The following KCNH7 variants were observed in gnomAD, a reference collection of about 807,000 sequenced individuals.
The protein encoded by KCNH7 is voltage-gated inwardly rectifying potassium channel KCNH7.
Under a neutral mutation model 120.8 loss-of-function variants are expected in KCNH7, and 49 were observed. The ratio of observed to expected loss-of-function variants is 0.41; its 90% CI spans 0.32 to 0.51. KCNH7 has a LOEUF of 0.51. Ranked by LOEUF, KCNH7 falls within the 20% of genes least tolerant of loss-of-function variation. The probability of loss-of-function intolerance (pLI) is 0.38; values close to 1 mark genes in which losing one functional copy is unlikely to be tolerated. For missense variants in KCNH7, 1,097 were observed against 1,446.6 expected, an observed-to-expected ratio of 0.76 and a Z score of 3.92; for synonymous variants, 547 against 516.1, an observed-to-expected ratio of 1.06 and a Z score of -0.81.
chr2:162,553,223 T>G (rs937407902), intron 2 of KCNH7, among the ~76,000 whole-genome samples: 1 of 151,682 alleles, frequency 6.6e-6, no homozygotes, highest in African/African-American at 2.4e-5. Flanking sequence ...GATGTTTCAG[T>G]AGAGGCACTA....
At chr2:162,529,754 T>C (rs991882965) in intron 3 of KCNH7, among the ~76,000 whole-genome samples, 1 of 151,904 alleles carries the variant, frequency 6.6e-6, no homozygotes, top group Non-Finnish European at 1.5e-5. Flanking sequence ...CTCCTTTAAA[T>C]GTGGCCCCTT....
chr2:162,701,114 T>G (rs1177356522), intron 2 of KCNH7, among the ~76,000 whole-genome samples: 1 of 152,112 alleles, frequency 6.6e-6, no homozygotes. Flanking sequence ...GAATTGTTAC[T>G]AAGGACACTG....
At chr2:162,438,602 G>A (rs1339467345) in intron 7 of KCNH7, among the ~76,000 whole-genome samples, 1 of 152,118 alleles carries the variant, frequency 6.6e-6, no homozygotes, top group Non-Finnish European at 1.5e-5. Context: ...TTATAAGGAT[G>A]AGTGAATATT....
chr2:162,606,282 G>T (rs1260053114), intron 2 of KCNH7, among the ~76,000 whole-genome samples: 1 of 152,146 alleles, frequency 6.6e-6, no homozygotes, highest in East Asian at 1.9e-4. Flanking sequence ...GTATAAGTAA[G>T]TGAAAGAAAA....
intron 9 of KCNH7, among the ~76,000 whole-genome samples, chr2:162,405,938 T>A (rs922439494): frequency 6.6e-5 from 10 of 151,990 alleles, no homozygotes; most frequent in African/African-American, 2.4e-4. Context: ...ATTTTTCCTA[T>A]TTTTATATGT....
intron 2 of KCNH7, among the ~76,000 whole-genome samples, chr2:162,753,548 G>C (rs1336314183): frequency 1.3e-5 from 2 of 152,056 alleles, no homozygotes; most frequent in African/African-American, 4.8e-5. Context: ...TGGTGCTAAA[G>C]TGAATCCAAC....
At chr2:162,421,380 A>G (rs1364262295) in intron 9 of KCNH7, among the ~76,000 whole-genome samples, 1 of 152,202 alleles carries the variant, frequency 6.6e-6, no homozygotes, top group Non-Finnish European at 1.5e-5. Flanking sequence ...GGGGACTGGG[A>G]AATTGTATAT....
intron 2 of KCNH7, among the ~76,000 whole-genome samples, chr2:162,730,903 C>T (rs776557382): frequency 6.6e-6 from 1 of 151,874 alleles, no homozygotes; most frequent in African/African-American, 2.4e-5. Flanking sequence ...GGCAGGCAGG[C>T]AAGCTAAACT....
rs1685742702 is a variant in KCNH7, at chr2:162,838,575, C to T, written c.-57G>A. The T allele has an allele frequency of 7.0e-7, 1 of 1,426,044 alleles. No homozygotes were observed. The highest frequency in any genetic ancestry group is 9.8e-7 in the Non-Finnish European group (1 of 1,024,194). 88.3% of individuals were successfully genotyped at this position (1,426,044 alleles called of 1,614,324 possible). A position where few individuals can be genotyped will look rare whatever the true frequency, so the allele number is the denominator to read the frequency against. Reference sequence around the variant, plus strand: ...CGGAGCTCTGGAGTTCTCCCGGGATCTCTCCTCGGCTAGAGCCCAGGCCAG... The same window carrying T: ...CGGAGCTCTGGAGTTCTCCCGGGATTTCTCCTCGGCTAGAGCCCAGGCCAG... On this transcript the variant is annotated 5_prime_UTR_variant, in exon 1 of 16. Coordinates refer to ENST00000332142, the MANE Select transcript of KCNH7 (RefSeq NM_033272.4).
At chr2:162,620,900 C>T (rs922658083) in intron 2 of KCNH7, among the ~76,000 whole-genome samples, 3 of 152,118 alleles carry the variant, frequency 2.0e-5, no homozygotes, top group Non-Finnish European at 4.4e-5. Context: ...ATTATCCGAA[C>T]TGGGACACAT....
chr2:162,591,325 C>T (rs757131879), intron 2 of KCNH7, among the ~76,000 whole-genome samples: 1 of 151,764 alleles, frequency 6.6e-6, no homozygotes, highest in Non-Finnish European at 1.5e-5. Context: ...CATTTTTCTC[C>T]TCAGCGCTTA....
intron 2 of KCNH7, among the ~76,000 whole-genome samples, chr2:162,556,376 C>G (rs2105868610): frequency 6.6e-6 from 1 of 152,216 alleles, no homozygotes; most frequent in South Asian, 2.1e-4. Flanking sequence ...GATGAAATAA[C>G]TTGCCAGTGA....
intron 1 of KCNH7, 77 bp downstream of exon 1, chr2:162,838,366 C>G: frequency 8.0e-7 from 1 of 1,256,038 alleles, no homozygotes; most frequent in Non-Finnish European, 1.2e-6. Flanking sequence ...CCGGTCTCCC[C>G]ACCTTGGAAG....
chr2:162,652,811 T>A (rs1201688998), intron 2 of KCNH7, among the ~76,000 whole-genome samples: 1 of 152,202 alleles, frequency 6.6e-6, no homozygotes, highest in Non-Finnish European at 1.5e-5. Flanking sequence ...TAACAAATAT[T>A]TATAAAAAGC....
At chr2:162,752,900 C>CAGAAAAAAGAAA (rs1559115994) in intron 2 of KCNH7, among the ~76,000 whole-genome samples, 1 of 6,826 alleles carries the variant, frequency 1.5e-4, no homozygotes, top group Non-Finnish European at 2.2e-3. Context: ...GACTACATCT[C>CAGAAAAAAGAAA]AGAAAAAGAA....
At chr2:162,641,016 A>T (rs187837812) in intron 2 of KCNH7, among the ~76,000 whole-genome samples, 1 of 152,152 alleles carries the variant, frequency 6.6e-6, no homozygotes, top group Non-Finnish European at 1.5e-5. Context: ...AAACTAAAAA[A>T]TATTGATAAA....
At chr2:162,816,770 A>G (rs572555452) in intron 2 of KCNH7, among the ~76,000 whole-genome samples, 2 of 152,314 alleles carry the variant, frequency 1.3e-5, no homozygotes, top group East Asian at 3.9e-4. Context: ...GCTTATCAGT[A>G]TGAGTAGCCC....
chr2:162,383,471 ATGAAAAAAGTGGG>A (rs1295170257), intron 13 of KCNH7, among the ~76,000 whole-genome samples: 3 of 152,090 alleles, frequency 2.0e-5, no homozygotes, highest in South Asian at 4.1e-4. Context: ...ATGTGGGGTC[ATGAAAAAAGTGGG>A]TGCTACAAGA....
intron 6 of KCNH7, among the ~76,000 whole-genome samples, chr2:162,470,123 C>G (rs1292794082): frequency 6.6e-6 from 1 of 152,170 alleles, no homozygotes; most frequent in African/African-American, 2.4e-5. Flanking sequence ...TCTACCCGGC[C>G]GCCACCCCGT....
Sources: gnomAD v4.1 joint callset for allele counts (sites outside exome capture counted in the v4.1 genomes callset) on GRCh38, gnomAD v4.1.1 for gene constraint, MANE v1.5 for transcripts, NCBI Gene and HGNC (gene_info 2026-07-23, HGNC 2026-07-21) for gene names.